Variants in DIP2C observed in about 807,000 individuals in gnomAD.
DIP2C encodes the protein DIP2 acetate--CoA ligase C (putative).
DIP2C carries 33 observed loss-of-function variants against 192.4 expected under a neutral mutation model. The observed-to-expected ratio is 0.17, with a 90% CI of 0.13 to 0.23. The LOEUF (loss-of-function observed/expected upper bound fraction) is 0.23. Ranked by LOEUF, DIP2C falls within the 10% of genes least tolerant of loss-of-function variation. The pLI, the probability that DIP2C is intolerant of heterozygous loss-of-function variation, is 1.00. For missense variants in DIP2C, 1,537 were observed against 2,110.1 expected, an observed-to-expected ratio of 0.73 and a Z score of 5.32; for synonymous variants, 979 against 864.1, an observed-to-expected ratio of 1.13 and a Z score of -2.33.
chr10:353,918 G>A (rs192026649), intron 24 of DIP2C, among the ~76,000 whole-genome samples: 6 of 152,296 alleles, frequency 3.9e-5, no homozygotes, highest in East Asian at 3.9e-4. Context: ...CTGAGTTTCC[G>A]CTGGACGGTG....
chr10:345,201 T>TA, intron 26 of DIP2C, 91 bp from the exon 27 acceptor site: 1 of 1,200,680 alleles, frequency 8.3e-7, no homozygotes, highest in Non-Finnish European at 1.2e-6. Context: ...CTACATACAC[T>TA]AAAACCATGT....
rs1158646410 is a variant in DIP2C, at chr10:687,716, T to C, written c.85+1778A>G. 2.0e-5 allele frequency among the ~76,000 whole-genome samples: 3 copies of C among 152,138 alleles called. No homozygotes were observed. The East Asian group carries it at 5.8e-4, about 29-fold the overall frequency. On this transcript the variant is annotated intron_variant, in intron 1 of 36. Transcript: ENST00000280886. ...GGCAGCAAGACAGTATCACTCACCCTCCAAGAGCAACTGACAGGCAAGTGT... is the reference window on the plus strand; with the variant it reads ...GGCAGCAAGACAGTATCACTCACCCCCCAAGAGCAACTGACAGGCAAGTGT...
chr10:475,613 T>C (rs1012572874), intron 2 of DIP2C, among the ~76,000 whole-genome samples: 1 of 152,148 alleles, frequency 6.6e-6, no homozygotes, highest in Non-Finnish European at 1.5e-5. Flanking sequence ...GAATATCTCC[T>C]AAGTGGAAAT....
intron 1 of DIP2C, among the ~76,000 whole-genome samples, chr10:506,540 G>A (rs1564799651): frequency 6.6e-6 from 1 of 152,118 alleles, no homozygotes; most frequent in Non-Finnish European, 1.5e-5. Context: ...CAAATGTGAT[G>A]GGGACGCTGA....
chr10:317,856 C>A (rs1039494302), intron 31 of DIP2C, among the ~76,000 whole-genome samples: 1 of 152,210 alleles, frequency 6.6e-6, no homozygotes, highest in Admixed American at 6.5e-5. Context: ...TGGTAGAATT[C>A]GAATGTTCCT....
intron 17 of DIP2C, among the ~76,000 whole-genome samples, chr10:381,026 G>T (rs4242758): frequency 6.6e-6 from 1 of 151,960 alleles, no homozygotes; most frequent in Admixed American, 6.5e-5. Flanking sequence ...TGGTGGAAAC[G>T]CAAGTACGAG....
intron 5 of DIP2C, among the ~76,000 whole-genome samples, chr10:422,243 G>A (rs12254690): frequency 0.15 from 23,025 of 152,174 alleles, 1,846 homozygotes; most frequent in South Asian, 0.2. Context: ...GCAGAGCGAC[G>A]TGAGGCCCAT....
At chr10:504,598 A>G (rs922369490) in intron 1 of DIP2C, among the ~76,000 whole-genome samples, 1 of 152,210 alleles carries the variant, frequency 6.6e-6, no homozygotes, top group Non-Finnish European at 1.5e-5. Context: ...TCCATGACCA[A>G]GTCTGACCAT....
intron 1 of DIP2C, among the ~76,000 whole-genome samples, chr10:565,331 A>G (rs961077651): frequency 1.3e-5 from 2 of 148,428 alleles, no homozygotes; most frequent in Non-Finnish European, 3.0e-5. Context: ...GACTCCTAAA[A>G]ATATGAAACA....
At chr10:416,116 T>A (rs901039797) in intron 6 of DIP2C, among the ~76,000 whole-genome samples, 4 of 151,948 alleles carry the variant, frequency 2.6e-5, no homozygotes, top group Admixed American at 2.0e-4. Context: ...TTCCAGGATG[T>A]GCTGTTCTGC....
At chr10:369,671 G>C (rs769248431) in intron 17 of DIP2C, 38 bp from the exon 18 acceptor site, 1 of 1,613,978 alleles carries the variant, frequency 6.2e-7, no homozygotes, top group East Asian at 2.2e-5. Flanking sequence ...TGCAGGAGCA[G>C]ATAAGCCATC....
At chr10:279,641 C>T (rs116554016) in intron 36 of DIP2C, among the ~76,000 whole-genome samples, 1,679 of 152,318 alleles carry the variant, frequency 0.011, 32 homozygotes, top group African/African-American at 0.038. Flanking sequence ...GATGGTGGCC[C>T]CAAGGGGCAG....
chr10:653,790 G>A (rs1398251883), intron 1 of DIP2C, among the ~76,000 whole-genome samples: 1 of 152,226 alleles, frequency 6.6e-6, no homozygotes, highest in Non-Finnish European at 1.5e-5. Flanking sequence ...CAAGGCTGGT[G>A]ACTCGAACAC....
intron 1 of DIP2C, among the ~76,000 whole-genome samples, chr10:606,503 G>A (rs912920797): frequency 6.6e-6 from 1 of 150,536 alleles, no homozygotes; most frequent in African/African-American, 2.4e-5. Flanking sequence ...TTGGTTGGGA[G>A]GGGATCTCAC....
In DIP2C at chr10:646,313, C is replaced by T. The variant is rs369534280; in HGVS notation, c.85+43181G>A. Among the ~76,000 whole-genome samples the T allele has an allele frequency of 2.6e-5, 4 of 152,142 alleles. No homozygotes were observed. In the South Asian group the frequency reaches 8.3e-4, roughly 32 times the overall value. ...GGTACTGGAGCTGCTGTCCAGCCTCCCCCAGGCTCTCCACACCCACACTCC... is the reference window on the plus strand; with the variant it reads ...GGTACTGGAGCTGCTGTCCAGCCTCTCCCAGGCTCTCCACACCCACACTCC... On this transcript the variant is annotated intron_variant, in intron 1 of 36. Transcript: ENST00000280886.
At chr10:527,314 G>T (rs1847110187) in intron 1 of DIP2C, among the ~76,000 whole-genome samples, 1 of 152,172 alleles carries the variant, frequency 6.6e-6, no homozygotes, top group South Asian at 2.1e-4. Context: ...TTCTTGGCAT[G>T]TTGTTCTGCT....
At chr10:579,564 C>T (rs905009963) in intron 1 of DIP2C, among the ~76,000 whole-genome samples, 9 of 151,974 alleles carry the variant, frequency 5.9e-5, no homozygotes, top group Non-Finnish European at 7.4e-5. Flanking sequence ...CATAGGTACA[C>T]TATAACACAT....
intron 28 of DIP2C, among the ~76,000 whole-genome samples, chr10:343,108 T>G (rs1958240197): frequency 1.3e-5 from 2 of 151,864 alleles, no homozygotes; most frequent in Admixed American, 6.5e-5. Context: ...GCTAACACAG[T>G]GAAACCCCAT....
intron 1 of DIP2C, among the ~76,000 whole-genome samples, chr10:577,106 A>G (rs1850212294): frequency 6.6e-6 from 1 of 152,220 alleles, no homozygotes; most frequent in South Asian, 2.1e-4. Context: ...ACTAACAACA[A>G]AAAATAAAGC....
Sources: allele counts gnomAD v4.1 joint callset (sites outside exome capture counted in the v4.1 genomes callset), GRCh38; gene constraint gnomAD v4.1.1; transcripts MANE v1.5; gene names NCBI Gene and HGNC (gene_info 2026-07-23, HGNC 2026-07-21).